DAGLB: variants seen among roughly 807,000 people sequenced by gnomAD.
DAGLB encodes the protein diacylglycerol lipase beta, also known as diacylglycerol lipase-beta.
DAGLB carries 66 observed loss-of-function variants against 72.1 expected under a neutral mutation model. The ratio of observed to expected loss-of-function variants is 0.92; its 90% CI spans 0.75 to 1.12. DAGLB has a LOEUF of 1.12. Among genes scored for constraint, DAGLB ranks in the 50% most tolerant of loss-of-function variants. DAGLB has a pLI of 0.00. For synonymous variants in DAGLB, 414 were observed against 359.5 expected, an observed-to-expected ratio of 1.15 and a Z score of -1.71; for missense variants, 1,065 against 884.9, an observed-to-expected ratio of 1.20 and a Z score of -2.58.
chr7:6,412,350 C>G (rs1783756297), intron 13 of DAGLB, among the ~76,000 whole-genome samples: 1 of 152,178 alleles, frequency 6.6e-6, no homozygotes, highest in Non-Finnish European at 1.5e-5. Flanking sequence ...GCCTTGCTTT[C>G]TAAGCTTTCG....
intron 9 of DAGLB, among the ~76,000 whole-genome samples, chr7:6,419,831 T>G (rs1784048817): frequency 1.3e-5 from 2 of 152,154 alleles, no homozygotes; most frequent in Admixed American, 1.3e-4. Flanking sequence ...GAGTCTTTTG[T>G]GAACTGGCAT....
rs375425034 is a variant in DAGLB at position 6,410,119 on chromosome 7, G to C, written c.1820+11C>G. The stretch of plus-strand genomic sequence containing the variant: ...CCTGCCTGCCCACCACACCCACCAC[G>C]CCGCACTCACCGCCCCGAGGCGCCC... On this transcript the variant is annotated intron_variant, in intron 14 of 14. Transcript: ENST00000297056. The C allele has an allele frequency of 1.3e-6, 2 of 1,576,072 alleles. No homozygotes were observed. Among genetic ancestry groups the C allele is most frequent in the Non-Finnish European group, 1.7e-6 (2 of 1,158,600 alleles).
At chr7:6,439,907 C>T (rs1314209047) in intron 2 of DAGLB, among the ~76,000 whole-genome samples, 1 of 151,724 alleles carries the variant, frequency 6.6e-6, no homozygotes, top group Non-Finnish European at 1.5e-5. Flanking sequence ...CAAAAATTAG[C>T]CAGGCATGGT....
In DAGLB at chr7:6,424,761, C is replaced by T; in HGVS notation, c.1131G>A (p.Met377Ile). ...CAGGTTCCAACGTTACCTGCAGAGA[C>T]ATGGTCCCCCTCACAGCGACCACAA... ...ESVVVAVRGT[M>I]SLQDVLTDLS... The change falls in exon 8 of 15, where the codon ATG becomes ATA. Residue 377 changes from methionine (M) to isoleucine (I), a missense_variant. Physicochemically the swap from Met to Ile is conservative, Grantham distance 10. Coordinates refer to ENST00000297056, the MANE Select transcript of DAGLB (RefSeq NM_139179.4). 1 of 1,613,584 alleles carries T rather than the reference C, an allele frequency of 6.2e-7. No homozygotes were observed. Among genetic ancestry groups the T allele is most frequent in the East Asian group, 2.2e-5 (1 of 44,882 alleles).
intron 9 of DAGLB, among the ~76,000 whole-genome samples, chr7:6,420,886 G>T (rs1437080371): frequency 6.6e-6 from 1 of 152,204 alleles, no homozygotes; most frequent in African/African-American, 2.4e-5. Flanking sequence ...TCTGCACAGA[G>T]AATATGTGAA....
At chr7:6,419,908 G>T (rs1784051389) in intron 9 of DAGLB, among the ~76,000 whole-genome samples, 1 of 152,234 alleles carries the variant, frequency 6.6e-6, no homozygotes, top group African/African-American at 2.4e-5. Context: ...TTGGGAGACT[G>T]AGGCAAGAGG....
chr7:6,427,080 C>A (rs1425269011), intron 6 of DAGLB, among the ~76,000 whole-genome samples: 1 of 152,022 alleles, frequency 6.6e-6, no homozygotes, highest in Non-Finnish European at 1.5e-5. Flanking sequence ...TGCACTCCAG[C>A]CTAGGTGACA....
intron 2 of DAGLB, among the ~76,000 whole-genome samples, chr7:6,443,517 G>T (rs1027011193): frequency 6.6e-6 from 1 of 152,138 alleles, no homozygotes; most frequent in African/African-American, 2.4e-5. Flanking sequence ...TGGTAATCAG[G>T]CACATGCCAC....
At chr7:6,442,912 G>A (rs546967372) in intron 2 of DAGLB, among the ~76,000 whole-genome samples, 15 of 151,506 alleles carry the variant, frequency 9.9e-5, no homozygotes, top group East Asian at 9.7e-4. Flanking sequence ...AGTGGCTCAC[G>A]CCTATAATCC....
chr7:6,444,257 A>G (rs1291155759), intron 2 of DAGLB, among the ~76,000 whole-genome samples: 1 of 152,198 alleles, frequency 6.6e-6, no homozygotes, highest in Non-Finnish European at 1.5e-5. Context: ...TGGGCAACAG[A>G]GCAAGACACT....
chr7:6,443,883 A>C (rs1784914220), intron 2 of DAGLB, among the ~76,000 whole-genome samples: 1 of 152,212 alleles, frequency 6.6e-6, no homozygotes, highest in African/African-American at 2.4e-5. Context: ...TATGAAGCAG[A>C]GGAATCCAAC....
chr7:6,433,044 T>C lies in DAGLB; in HGVS notation c.679-85A>G. On this transcript the variant is annotated intron_variant, in intron 4 of 14. Coordinates refer to ENST00000297056, the MANE Select transcript of DAGLB (RefSeq NM_139179.4). ...CTAAAATCCAGTCTTCTATAGTTGA[T>C]AGGCATTCACGCACACACAGACATT... 4 of 1,530,966 alleles carry C rather than the reference T, an allele frequency of 2.6e-6. No individual in the cohort carries two copies. In the South Asian group the frequency reaches 3.8e-5, roughly 15 times the overall value. 94.8% of individuals were successfully genotyped at this position (1,530,966 alleles called of 1,614,324 possible).
At chr7:6,439,860 T>C (rs1451756704) in intron 2 of DAGLB, among the ~76,000 whole-genome samples, 1 of 151,906 alleles carries the variant, frequency 6.6e-6, no homozygotes, top group Non-Finnish European at 1.5e-5. Context: ...GAGACCAGCC[T>C]GGCCAACATG....
At chr7:6,426,760 G>A (rs1024510588) in intron 6 of DAGLB, among the ~76,000 whole-genome samples, 18 of 152,148 alleles carry the variant, frequency 1.2e-4, no homozygotes, top group African/African-American at 4.3e-4. Context: ...CAACTCCGTA[G>A]AAAATAAACA....
At chr7:6,426,218 C>G in intron 6 of DAGLB, 104 bp from the exon 7 acceptor site, 1 of 1,530,600 alleles carries the variant, frequency 6.5e-7, no homozygotes, top group East Asian at 2.3e-5. Context: ...CCAGAGCGGA[C>G]AATTCTCAGG....
At chr7:6,421,621 C>T (rs562499916) in intron 9 of DAGLB, 106 bp downstream of exon 9, 362 of 987,778 alleles carry the variant, frequency 3.7e-4, no homozygotes, top group Admixed American at 9.1e-4. Flanking sequence ...GCGCAGGCAG[C>T]GCGGGAGGCG....
intron 11 of DAGLB, among the ~76,000 whole-genome samples, chr7:6,413,474 C>G (rs1783801779): frequency 6.6e-6 from 1 of 152,114 alleles, no homozygotes; most frequent in Middle Eastern, 3.4e-3. Context: ...ACTAAAAATA[C>G]AAAAAATTAG....
intron 1 of DAGLB, 106 bp from the exon 2 acceptor site, chr7:6,446,210 T>A: frequency 8.4e-7 from 1 of 1,194,352 alleles, no homozygotes; most frequent in South Asian, 2.0e-5. Context: ...GGCTCACACC[T>A]GTAATCACAG....
chr7:6,429,780 C>T (rs1185008466), intron 6 of DAGLB, among the ~76,000 whole-genome samples: 2 of 151,166 alleles, frequency 1.3e-5, no homozygotes, highest in Non-Finnish European at 2.9e-5. Flanking sequence ...CGTGGTGGCT[C>T]ATGTTTGTAA....
Sources: allele counts gnomAD v4.1 joint callset (sites outside exome capture counted in the v4.1 genomes callset), GRCh38; gene constraint gnomAD v4.1.1; transcripts MANE v1.5; gene names NCBI Gene and HGNC (gene_info 2026-07-23, HGNC 2026-07-21).